NSD1: variants seen among roughly 807,000 people sequenced by gnomAD.
The protein encoded by NSD1 is histone-lysine N-methyltransferase, H3 lysine-36 specific.
NSD1 carries 26 observed loss-of-function variants against 242.7 expected under a neutral mutation model. The observed-to-expected ratio is 0.11, with a 90% CI of 0.08 to 0.15. The LOEUF is 0.15. Among genes scored for constraint, NSD1 ranks in the 10% least tolerant of loss-of-function variants. The pLI is 1.00. For missense variants in NSD1, 2,495 were observed against 3,272.8 expected (o/e 0.76, Z 5.80); for synonymous variants, 1,106 against 1,178.1 (o/e 0.94, Z 1.25).
chr5:177,183,611 C>T (rs1454391005), intron 2 of NSD1, among the ~76,000 whole-genome samples: 1 of 152,094 alleles, frequency 6.6e-6, no homozygotes, highest in East Asian at 1.9e-4. Context: ...AAGGATTTAT[C>T]CTTTGTGTTA....
chr5:177,175,150 C>T (rs957327451), intron 2 of NSD1, among the ~76,000 whole-genome samples: 1 of 152,092 alleles, frequency 6.6e-6, no homozygotes, highest in African/African-American at 2.4e-5. Context: ...GGATTATAGG[C>T]GTGAGCCACT....
chr5:177,231,506 C>T (rs1355452382), intron 5 of NSD1, among the ~76,000 whole-genome samples: 1 of 152,210 alleles, frequency 6.6e-6, no homozygotes, highest in African/African-American at 2.4e-5. Context: ...CGACTCACTA[C>T]AACCTCCACC....
intron 2 of NSD1, among the ~76,000 whole-genome samples, chr5:177,185,758 A>C (rs1327515009): frequency 1.1e-5 from 1 of 87,000 alleles, no homozygotes; most frequent in African/African-American, 5.0e-5. Context: ...TATATAATAT[A>C]TTTTATATAT....
chr5:177,284,030 T>C (rs1581535946), intron 20 of NSD1, 102 bp downstream of exon 20: 1 of 1,361,554 alleles, frequency 7.3e-7, no homozygotes, highest in East Asian at 2.3e-5. Context: ...TTTCTATATG[T>C]ACCGTTCTCT....
chr5:177,147,414 T>A (rs2149772025), intron 2 of NSD1, among the ~76,000 whole-genome samples: 1 of 152,236 alleles, frequency 6.6e-6, no homozygotes, highest in South Asian at 2.1e-4. Context: ...GCCTAGCCCC[T>A]CCATCTCTAG....
At position 177,160,894 on chromosome 5, in the gene NSD1, A is replaced by G. The variant is rs537975159; in HGVS notation, c.927+24864A>G. Among the ~76,000 whole-genome samples, 3 of 151,836 alleles carry G rather than the reference A, an allele frequency of 2.0e-5. No individual in the cohort carries two copies. In the East Asian group the frequency reaches 5.9e-4, roughly 30 times the overall value. The stretch of plus-strand genomic sequence containing the variant: ...AGCAGTTCTCATGCCTCAGCCTCCC[A>G]AGTAGCTGGGACTACAGCCATGAGC... On this transcript the variant is annotated intron_variant, in intron 2 of 22. Transcript: ENST00000439151.
At chr5:177,265,031 G>A (rs964547136) in intron 14 of NSD1, 3 of 767,964 alleles carry the variant, frequency 3.9e-6, no homozygotes, top group Non-Finnish European at 4.7e-6. Flanking sequence ...GAGATTTCAT[G>A]TGCATATTGA....
At chr5:177,195,365 A>C (rs557738104) in intron 3 of NSD1, among the ~76,000 whole-genome samples, 9 of 152,202 alleles carry the variant, frequency 5.9e-5, no homozygotes, top group African/African-American at 2.2e-4. Context: ...ACCTGTCTGG[A>C]TATTTAAATT....
At chr5:177,242,514 A>ATTATTTATTTATTTATTTATTTAT (rs10605953) in intron 8 of NSD1, among the ~76,000 whole-genome samples, 94 of 145,584 alleles carry the variant, frequency 6.5e-4, no homozygotes, top group Middle Eastern at 3.5e-3. Flanking sequence ...AATGGCCTTT[A>ATTATTTATTTATTTATTTATTTAT]TTATTTATTT....
chr5:177,261,968 A>T (rs1757030735), intron 14 of NSD1, among the ~76,000 whole-genome samples: 1 of 152,210 alleles, frequency 6.6e-6, no homozygotes, highest in African/African-American at 2.4e-5. Flanking sequence ...TGAATCTCAA[A>T]GTCCAAGTTT....
chr5:177,288,168 CAGAA>C (rs1373199528), intron 20 of NSD1, among the ~76,000 whole-genome samples: 3 of 152,146 alleles, frequency 2.0e-5, no homozygotes, highest in African/African-American at 4.8e-5. Flanking sequence ...GGACCTTTGA[CAGAA>C]AGAGAGAAAG....
chr5:177,220,460 A>C (rs2149862973), intron 5 of NSD1, among the ~76,000 whole-genome samples: 1 of 151,038 alleles, frequency 6.6e-6, no homozygotes, highest in South Asian at 2.1e-4. Context: ...ATCTTAGGTG[A>C]GCCTTTTATA....
chr5:177,277,973 G>C (rs1758537240), intron 17 of NSD1, among the ~76,000 whole-genome samples: 1 of 152,224 alleles, frequency 6.6e-6, no homozygotes, highest in South Asian at 2.1e-4. Flanking sequence ...TTCAGGACTT[G>C]TAGTCTTGGG....
Position 177,259,082 on chromosome 5 carries a change from GC to G in NSD1, c.4967-905del, listed in dbSNP as rs774326459. ...ACCCCTGACCTCAGGTGATCTGCCTGCCTTGGCCTCCCAAAGTCCTGGGATT... is the reference window on the plus strand; with the variant it reads ...ACCCCTGACCTCAGGTGATCTGCCTGCTTGGCCTCCCAAAGTCCTGGGATT... On this transcript the variant is annotated intron_variant, in intron 13 of 22. Transcript: ENST00000439151. Among the ~76,000 whole-genome samples the G allele has an allele frequency of 3.3e-5, 5 of 152,320 alleles. No homozygotes were observed. The South Asian group carries it at 1.0e-3, about 32-fold the overall frequency.
At chr5:177,154,700 T>C (rs1235979913) in intron 2 of NSD1, among the ~76,000 whole-genome samples, 2 of 152,038 alleles carry the variant, frequency 1.3e-5, no homozygotes, top group Non-Finnish European at 2.9e-5. Flanking sequence ...AATTTTATTA[T>C]TATTATTATT....
At chr5:177,171,959 A>G (rs956845875) in intron 2 of NSD1, among the ~76,000 whole-genome samples, 1 of 152,214 alleles carries the variant, frequency 6.6e-6, no homozygotes, top group African/African-American at 2.4e-5. Context: ...TCTTTTTGGT[A>G]TATGCTTAGC....
intron 5 of NSD1, among the ~76,000 whole-genome samples, chr5:177,224,004 T>C (rs1764441195): frequency 6.6e-6 from 1 of 152,154 alleles, no homozygotes; most frequent in African/African-American, 2.4e-5. Flanking sequence ...AAAAAATAAA[T>C]AAAAATTGTA....
At position 177,209,837 on chromosome 5, in the gene NSD1, G is replaced by T. The variant is rs750472877; in HGVS notation, c.1438G>T (p.Ala480Ser). 10 of 1,614,012 alleles carry T rather than the reference G, an allele frequency of 6.2e-6. No individual in the cohort carries two copies. The Admixed American group carries it at 8.3e-5, about 13-fold the overall frequency. ...GCTTAATGGCTGTTTGAAATCACTG[G>T]CTTTTGATTCTGAACATTCTGCAGA... Reference protein sequence around the residue: ...LLLNGCLKSLAFDSEHSADEK... With the variant: ...LLLNGCLKSLSFDSEHSADEK... The change falls in exon 5 of 23, where the codon GCT (alanine) becomes TCT (serine). Residue 480 changes from alanine to serine, a missense_variant. Transcript: ENST00000439151.
At chr5:177,251,651 A>T in intron 11 of NSD1, 79 bp from the exon 12 acceptor site, 1 of 1,475,586 alleles carries the variant, frequency 6.8e-7, no homozygotes, top group Non-Finnish European at 9.5e-7. Context: ...ACCTTTGTTT[A>T]CTTTAACCCA....
Sources: gnomAD v4.1 joint callset for allele counts (sites outside exome capture counted in the v4.1 genomes callset) on GRCh38, gnomAD v4.1.1 for gene constraint, MANE v1.5 for transcripts, NCBI Gene and HGNC (gene_info 2026-07-23, HGNC 2026-07-21) for gene names.